Variants in COL6A6 observed in about 807,000 individuals in gnomAD.
COL6A6 encodes collagen alpha-6(VI) chain.
Under a neutral mutation model 208.6 loss-of-function variants are expected in COL6A6, and 183 were observed. The observed-to-expected ratio is 0.88, with a 90% CI of 0.78 to 0.99. The LOEUF (loss-of-function observed/expected upper bound fraction) is 0.99. COL6A6 is among the 50% of genes least tolerant of loss of function. COL6A6 has a pLI of 0.00. For synonymous variants in COL6A6, 973 were observed against 1,011.8 expected (o/e 0.96, Z 0.73); for missense variants, 2,816 against 2,815.2 (o/e 1.00, Z -0.01).
Position 130,592,742 on chromosome 3 carries a change from C to G in COL6A6, c.4371+20C>G. 1.3e-6 allele frequency: 2 copies of G among 1,592,524 alleles called. No individual in the cohort carries two copies. Among genetic ancestry groups the G allele is most frequent in the Non-Finnish European group, 1.7e-6 (2 of 1,162,426 alleles). ...CAGGAGGTATGTTACCAGGCACATCCATTTACCTACCCATATGTTATCTAG... is the reference window on the plus strand; with the variant it reads ...CAGGAGGTATGTTACCAGGCACATCGATTTACCTACCCATATGTTATCTAG... On this transcript the variant is annotated intron_variant, in intron 15 of 36. Transcript: ENST00000358511.
chr3:130,518,477 G>T (rs1187294703), intron 1 of COL6A6, among the ~76,000 whole-genome samples: 1 of 152,140 alleles, frequency 6.6e-6, no homozygotes, highest in East Asian at 1.9e-4. Context: ...AGCCTTAATA[G>T]TTCTTGTCTT....
In COL6A6 at chr3:130,607,030, A is replaced by G. The variant is rs963526636; in HGVS notation, c.4689+64A>G. On this transcript the variant is annotated intron_variant, in intron 21 of 36. Coordinates refer to ENST00000358511, the MANE Select transcript of COL6A6 (RefSeq NM_001102608.3). The stretch of plus-strand genomic sequence containing the variant: ...CTGCATCCAATCAGGGAGCTGGAAT[A>G]AAGTCTCTGTAAAGTCTCTAAACTT... 187 of 1,330,360 alleles carry G rather than the reference A, an allele frequency of 1.4e-4. 2 individuals carry two copies. In the Admixed American group the frequency reaches 3.7e-3, roughly 26 times the overall value. 82.4% of individuals were successfully genotyped at this position (1,330,360 alleles called of 1,614,324 possible). A position where few individuals can be genotyped will look rare whatever the true frequency, so the allele number is the denominator to read the frequency against.
intron 36 of COL6A6, among the ~76,000 whole-genome samples, 162 bp downstream of exon 36, chr3:130,665,258 T>C (rs1267190246): frequency 6.6e-6 from 1 of 152,210 alleles, no homozygotes; most frequent in Non-Finnish European, 1.5e-5. Context: ...AAGAGATAAC[T>C]TTTTAAAATG....
intron 2 of COL6A6, among the ~76,000 whole-genome samples, chr3:130,561,582 A>C (rs115619454): frequency 0.011 from 1,678 of 150,430 alleles, 38 homozygotes; most frequent in African/African-American, 0.039. Context: ...CATTTTAGAT[A>C]ATTGGAATCT....
At chr3:130,594,419 G>A in intron 18 of COL6A6, 76 bp downstream of exon 18, 2 of 1,150,592 alleles carry the variant, frequency 1.7e-6, no homozygotes, top group Non-Finnish European at 2.6e-6. Flanking sequence ...TCGATTTCAA[G>A]GTACTACAAT....
rs570856584 is a variant in COL6A6 at position 130,527,919 on chromosome 3, T to G, written c.-32+10522T>G. 5.4e-4 allele frequency among the ~76,000 whole-genome samples: 79 copies of G among 145,470 alleles called. 1 individual carries two copies. In the East Asian group the frequency reaches 0.014, roughly 26 times the overall value. Reference sequence around the variant, plus strand: ...TTTTTTTTTTTTTTTTTTTTTTGGTTGTTGTTGTTGTTGTTGTTGCCCTAC... The same window carrying G: ...TTTTTTTTTTTTTTTTTTTTTTGGTGGTTGTTGTTGTTGTTGTTGCCCTAC... On this transcript the variant is annotated intron_variant, in intron 1 of 36. Coordinates refer to ENST00000358511, the MANE Select transcript of COL6A6 (RefSeq NM_001102608.3).
chr3:130,605,165 C>T (rs2064146329), intron 20 of COL6A6, among the ~76,000 whole-genome samples: 1 of 152,212 alleles, frequency 6.6e-6, no homozygotes, highest in Non-Finnish European at 1.5e-5. Flanking sequence ...AGGACTGCTA[C>T]CCATCCTCTG....
chr3:130,570,745 T>C, intron 6 of COL6A6, 73 bp from the exon 7 acceptor site: 1 of 1,151,466 alleles, frequency 8.7e-7, no homozygotes, highest in Non-Finnish European at 1.2e-6. Context: ...TAGCAATTTA[T>C]AAAAAGGTTG....
chr3:130,527,938 G>A, intron 1 of COL6A6, among the ~76,000 whole-genome samples: 1 of 94,656 alleles, frequency 1.1e-5, no homozygotes, highest in African/African-American at 4.1e-5. Flanking sequence ...TGTTGTTGTT[G>A]CCCTACTCTT....
At chr3:130,653,590 T>C (rs1033351696) in intron 33 of COL6A6, among the ~76,000 whole-genome samples, 1 of 152,212 alleles carries the variant, frequency 6.6e-6, no homozygotes, top group Non-Finnish European at 1.5e-5. Flanking sequence ...GTAATAGCTG[T>C]GCTTTCATCC....
At chr3:130,556,444 G>A (rs940568072) in intron 1 of COL6A6, among the ~76,000 whole-genome samples, 2 of 151,982 alleles carry the variant, frequency 1.3e-5, no homozygotes, top group African/African-American at 4.8e-5. Context: ...AAAGGTTGGT[G>A]GAACTTTCCA....
At chr3:130,614,807 A>G (rs926655793) in intron 23 of COL6A6, among the ~76,000 whole-genome samples, 5 of 152,088 alleles carry the variant, frequency 3.3e-5, no homozygotes, top group African/African-American at 1.2e-4. Context: ...AGAGGTGTTC[A>G]TAGTAATCTC....
At chr3:130,574,615 G>A in intron 8 of COL6A6, 90 bp downstream of exon 8, 1 of 1,047,430 alleles carries the variant, frequency 9.5e-7, no homozygotes, top group Non-Finnish European at 1.4e-6. Flanking sequence ...TGGGGCTAGT[G>A]GGAGAATTTA....
chr3:130,646,207 G>A (rs375286040), intron 32 of COL6A6, among the ~76,000 whole-genome samples: 4 of 151,526 alleles, frequency 2.6e-5, no homozygotes, highest in African/African-American at 9.7e-5. Context: ...GATAATGTAA[G>A]GGGGGGAGAT....
chr3:130,554,317 G>A (rs2062716789), intron 1 of COL6A6, among the ~76,000 whole-genome samples: 1 of 152,162 alleles, frequency 6.6e-6, no homozygotes, highest in Non-Finnish European at 1.5e-5. Flanking sequence ...CTTTCACAGT[G>A]GCAATGGTGT....
intron 24 of COL6A6, 110 bp downstream of exon 24, chr3:130,621,993 G>A: frequency 2.2e-6 from 2 of 909,378 alleles, no homozygotes; most frequent in Non-Finnish European, 3.5e-6. Flanking sequence ...ACATTTTCTG[G>A]TCCTTAAACC....
chr3:130,651,170 G>A (rs1164634489), intron 33 of COL6A6, among the ~76,000 whole-genome samples: 1 of 152,166 alleles, frequency 6.6e-6, no homozygotes, highest in Non-Finnish European at 1.5e-5. Flanking sequence ...GCTCACGCCT[G>A]TAATCCCAGC....
rs371978860 is a variant in COL6A6, at chr3:130,661,929, G to A, written c.6123G>A (p.Lys2041=). Reference sequence around the variant, plus strand: ...TCAATCTTACCACCTACAGAAGTAAGCGCCTCATGAAGAGGCATGTGCACG... The same window carrying A: ...TCAATCTTACCACCTACAGAAGTAAACGCCTCATGAAGAGGCATGTGCACG... The part of the protein sequence containing the change: ...AEFNLTTYRS[K]RLMKRHVHES... The change falls in exon 35 of 37, where the codon AAG becomes AAA. Residue 2041 remains lysine (K), a synonymous_variant. Coordinates refer to ENST00000358511, the MANE Select transcript of COL6A6 (RefSeq NM_001102608.3). 1.1e-5 allele frequency: 18 copies of A among 1,613,892 alleles called. No individual in the cohort carries two copies. The highest frequency in any genetic ancestry group is 1.4e-5 in the Non-Finnish European group (17 of 1,179,898).
At chr3:130,644,843 T>G (rs2065422311) in intron 31 of COL6A6, 148 bp from the exon 32 acceptor site, 1 of 728,278 alleles carries the variant, frequency 1.4e-6, no homozygotes. Context: ...GATGTTAGAC[T>G]CTGTCTGCAT....
Sources: gnomAD v4.1 joint callset for allele counts (sites outside exome capture counted in the v4.1 genomes callset) on GRCh38, gnomAD v4.1.1 for gene constraint, MANE v1.5 for transcripts, NCBI Gene and HGNC (gene_info 2026-07-23, HGNC 2026-07-21) for gene names.